ZNF608: variants seen among roughly 807,000 people sequenced by gnomAD.
The protein encoded by ZNF608 is zinc finger protein 608.
Under a neutral mutation model 109.0 loss-of-function variants are expected in ZNF608, and 12 were observed. The ratio of observed to expected loss-of-function variants is 0.11; its 90% CI spans 0.07 to 0.18. The LOEUF (loss-of-function observed/expected upper bound fraction) is 0.18, where lower values mean the gene tolerates loss of function less well. Among genes scored for constraint, ZNF608 ranks in the 10% least tolerant of loss-of-function variants. ZNF608 has a pLI of 1.00. For missense variants in ZNF608, 1,707 were observed against 1,879.3 expected (o/e 0.91, Z 1.70); for synonymous variants, 732 against 717.4 (o/e 1.02, Z -0.33).
chr5:124,682,334 A>C (rs1752232324), intron 3 of ZNF608, among the ~76,000 whole-genome samples: 1 of 152,204 alleles, frequency 6.6e-6, no homozygotes, highest in East Asian at 1.9e-4. Flanking sequence ...TGGCCTCCCA[A>C]AGTGCTGGGA....
At position 124,648,057 on chromosome 5, in the gene ZNF608, A is replaced by T; in HGVS notation, c.2327T>A (p.Val776Asp). Residue 776 changes from valine to aspartate, a missense_variant, in exon 5 of 10, where the codon GTT becomes GAT. Val to Asp is a radical substitution (Grantham distance 152). Transcript: ENST00000513986. ...PGLPSLTTTV[V>D]QATPKSPPLK... ...CGGAGGACTCTTTGGTGTAGCCTGAACAACAGTTGTTGTGAGGGAGGGCAG... is the reference window on the plus strand; with the variant it reads ...CGGAGGACTCTTTGGTGTAGCCTGATCAACAGTTGTTGTGAGGGAGGGCAG... 1 of 1,614,086 alleles carries T rather than the reference A, an allele frequency of 6.2e-7. No individual in the cohort carries two copies. The highest frequency in any genetic ancestry group is 8.5e-7 in the Non-Finnish European group (1 of 1,180,034).
intron 3 of ZNF608, among the ~76,000 whole-genome samples, chr5:124,653,917 T>TTG (rs747620200): frequency 2.0e-4 from 30 of 152,210 alleles, no homozygotes; most frequent in South Asian, 6.2e-4. Flanking sequence ...CCTCAGGACT[T>TTG]TGTGTGCGTG....
chr5:124,690,063 G>A (rs965044949), intron 3 of ZNF608, among the ~76,000 whole-genome samples: 2 of 152,144 alleles, frequency 1.3e-5, no homozygotes, highest in African/African-American at 4.8e-5. Context: ...TTGAGTTATT[G>A]AGCCACAAGA....
intron 2 of ZNF608, among the ~76,000 whole-genome samples, chr5:124,717,896 G>A (rs982904756): frequency 6.6e-6 from 1 of 152,156 alleles, no homozygotes; most frequent in Admixed American, 6.5e-5. Context: ...GGGCAGCGAA[G>A]GAGGAAAATG....
intron 2 of ZNF608, among the ~76,000 whole-genome samples, chr5:124,710,917 C>G (rs1376242620): frequency 2.0e-5 from 3 of 152,132 alleles, no homozygotes; most frequent in Non-Finnish European, 4.4e-5. Context: ...GTCAAGGACT[C>G]TTTAAAGAAA....
intron 2 of ZNF608, among the ~76,000 whole-genome samples, chr5:124,705,494 T>A (rs1422779041): frequency 1.3e-5 from 2 of 152,204 alleles, no homozygotes; most frequent in Non-Finnish European, 2.9e-5. Flanking sequence ...AGCATAGTGC[T>A]TAGGTCAGTA....
chr5:124,656,733 T>C (rs925968852), intron 3 of ZNF608, among the ~76,000 whole-genome samples: 2 of 142,402 alleles, frequency 1.4e-5, no homozygotes, highest in African/African-American at 2.5e-5. Context: ...ATACAATCTA[T>C]GGAAATCCTT....
chr5:124,695,417 G>T (rs889762109), intron 3 of ZNF608, among the ~76,000 whole-genome samples: 1 of 152,194 alleles, frequency 6.6e-6, no homozygotes, highest in Admixed American at 6.5e-5. Flanking sequence ...ACTGCAGAAT[G>T]AGAATAACAA....
chr5:124,737,029 A>T (rs1749185936), intron 2 of ZNF608, among the ~76,000 whole-genome samples: 1 of 152,208 alleles, frequency 6.6e-6, no homozygotes, highest in South Asian at 2.1e-4. Flanking sequence ...TTCAATGAAA[A>T]GAAGCCATCA....
chr5:124,712,435 T>C (rs1327462710), intron 2 of ZNF608, among the ~76,000 whole-genome samples: 1 of 151,254 alleles, frequency 6.6e-6, no homozygotes, highest in African/African-American at 2.4e-5. Context: ...GCCAGTGGAG[T>C]GGCTGAGTTG....
chr5:124,655,585 T>C (rs1473369470), intron 3 of ZNF608, among the ~76,000 whole-genome samples: 1 of 152,252 alleles, frequency 6.6e-6, no homozygotes, highest in Non-Finnish European at 1.5e-5. Context: ...TATATATTTT[T>C]TTCTAGTGAA....
chr5:124,708,957 T>A (rs4400123), intron 2 of ZNF608, among the ~76,000 whole-genome samples: 27,267 of 151,824 alleles, frequency 0.18, 2,663 homozygotes, highest in Admixed American at 0.27. Context: ...AGATCACCTG[T>A]GGTCAGGAGT....
chr5:124,735,041 G>A (rs1401748124), intron 2 of ZNF608: 1 of 152,058 alleles, frequency 6.6e-6, no homozygotes, highest in African/African-American at 2.4e-5. Flanking sequence ...TTCGGCTTTC[G>A]GGAAAAAATG....
rs1176678843 is a variant in ZNF608 at position 124,646,937 on chromosome 5, T to C, written c.3447A>G (p.Pro1149=). Residue 1149 remains proline, a synonymous_variant, in exon 5 of 10, where the codon CCA becomes CCG. Transcript: ENST00000513986. ...AGGGAGCTTTTGAGATTGTGGCCGA[T>C]GGCATATTTTTCTGTTTAGTTTCCT... is the stretch of plus-strand genomic sequence containing the variant. The part of the protein sequence containing the change: ...GKEETKQKNM[P]SATISKAPST... 1.2e-6 allele frequency: 2 copies of C among 1,613,992 alleles called. No individual in the cohort carries two copies. Among genetic ancestry groups the C allele is most frequent in the African/African-American group, 2.7e-5 (2 of 74,972 alleles).
Position 124,646,668 on chromosome 5 carries a change from C to T in ZNF608, c.3705+11G>A. On this transcript the variant is annotated intron_variant, in intron 5 of 9. Transcript: ENST00000513986. ...CTCTCTCCCTGTTGGGGCCACGCTCCACAATCTTACTTGTTTAAATCTCGA... is the reference window on the plus strand; with the variant it reads ...CTCTCTCCCTGTTGGGGCCACGCTCTACAATCTTACTTGTTTAAATCTCGA... The T allele has an allele frequency of 6.2e-7, 1 of 1,604,938 alleles. No individual in the cohort carries two copies. Among genetic ancestry groups the T allele is most frequent in the South Asian group, 1.1e-5 (1 of 90,648 alleles).
intron 2 of ZNF608, among the ~76,000 whole-genome samples, chr5:124,716,854 A>C (rs1177093473): frequency 6.6e-6 from 1 of 151,698 alleles, no homozygotes; most frequent in Non-Finnish European, 1.5e-5. Flanking sequence ...AGGCCGAGGC[A>C]GGCGAATCAC....
chr5:124,696,831 A>G (rs1010680793), intron 3 of ZNF608, among the ~76,000 whole-genome samples: 4 of 152,208 alleles, frequency 2.6e-5, no homozygotes, highest in African/African-American at 9.6e-5. Context: ...ACAGAGAAAA[A>G]GTCAAGGAAC....
At chr5:124,642,354 C>G (rs1750280553) in intron 7 of ZNF608, among the ~76,000 whole-genome samples, 1 of 152,182 alleles carries the variant, frequency 6.6e-6, no homozygotes, top group Admixed American at 6.5e-5. Flanking sequence ...ACAGCAGACA[C>G]AGCTCTCACT....
intron 6 of ZNF608, 116 bp from the exon 7 acceptor site, chr5:124,643,799 T>A (rs1750362304): frequency 1.0e-6 from 1 of 996,682 alleles, no homozygotes; most frequent in Non-Finnish European, 1.5e-6. Flanking sequence ...GGGGGTTACA[T>A]TAAGAATGGG....
Sources: gnomAD v4.1 joint callset for allele counts (sites outside exome capture counted in the v4.1 genomes callset) on GRCh38, gnomAD v4.1.1 for gene constraint, MANE v1.5 for transcripts, NCBI Gene and HGNC (gene_info 2026-07-23, HGNC 2026-07-21) for gene names.